The following DOCK4 variants were observed in gnomAD, a reference collection of about 807,000 sequenced individuals.
DOCK4 encodes dedicator of cytokinesis 4, also known as dedicator of cytokinesis protein 4.
Under a neutral mutation model 268.1 loss-of-function variants are expected in DOCK4, and 97 were observed. That is an observed-to-expected ratio of 0.36 (90% CI 0.31 to 0.43). The LOEUF (loss-of-function observed/expected upper bound fraction) is 0.43. Ranked by LOEUF, DOCK4 falls within the 20% of genes least tolerant of loss-of-function variation. The probability of loss-of-function intolerance (pLI) is 1.00; values close to 1 mark genes in which losing one functional copy is unlikely to be tolerated. For synonymous variants in DOCK4, 954 were observed against 887.2 expected, an observed-to-expected ratio of 1.08 and a Z score of -1.34; for missense variants, 2,145 against 2,455.7, an observed-to-expected ratio of 0.87 and a Z score of 2.67.
At chr7:111,983,862 G>GCGCGCACACACACACACACACA in intron 7 of DOCK4, among the ~76,000 whole-genome samples, 114 of 138,632 alleles carry the variant, frequency 8.2e-4, no homozygotes, top group Non-Finnish European at 1.4e-3. Context: ...GCGCGCGCGC[G>GCGCGCACACACACACACACACA]CACACACACA....
chr7:112,121,393 A>G (rs1273098870), intron 1 of DOCK4, among the ~76,000 whole-genome samples: 1 of 152,224 alleles, frequency 6.6e-6, no homozygotes, highest in African/African-American at 2.4e-5. Context: ...ACAGGCTCCT[A>G]GTGCTTCTTA....
intron 1 of DOCK4, among the ~76,000 whole-genome samples, chr7:112,016,704 T>C (rs953643619): frequency 3.3e-5 from 5 of 152,180 alleles, no homozygotes; most frequent in African/African-American, 1.2e-4. Context: ...CTTAGTTTAG[T>C]CTTGATTTCT....
intron 1 of DOCK4, among the ~76,000 whole-genome samples, chr7:112,035,831 G>A (rs900011397): frequency 6.6e-6 from 1 of 152,008 alleles, no homozygotes; most frequent in Non-Finnish European, 1.5e-5. Context: ...AAGTCAATGT[G>A]CAGACCAAAA....
chr7:111,878,797 T>C (rs1469682918), intron 16 of DOCK4, among the ~76,000 whole-genome samples: 2 of 152,120 alleles, frequency 1.3e-5, no homozygotes, highest in Admixed American at 1.3e-4. Context: ...CAGAAGAGAC[T>C]CACCATCTCA....
intron 1 of DOCK4, among the ~76,000 whole-genome samples, chr7:112,169,351 T>A (rs1817879221): frequency 6.6e-6 from 1 of 152,152 alleles, no homozygotes; most frequent in Non-Finnish European, 1.5e-5. Flanking sequence ...ATGCCATTGC[T>A]CCAAAGCTAT....
In DOCK4 at chr7:111,726,771, A is replaced by C. The variant is rs1417298956; in HGVS notation, c.*1503T>G. 1.3e-5 allele frequency: 2 copies of C among 152,602 alleles called. No homozygotes were observed. The highest frequency in any genetic ancestry group is 2.9e-5 in the Non-Finnish European group (2 of 68,006). The allele number at this position is 152,602 out of a possible 1,614,324, so 9.5% of individuals were successfully genotyped here. On this transcript the variant is annotated 3_prime_UTR_variant, in exon 53 of 53. Coordinates refer to ENST00000428084, the MANE Select transcript of DOCK4 (RefSeq NM_001363540.2). ...TCAACAACTGTTTGCGTTTATTTTTACTTTTTTTTACACATAATGGTATCT... is the reference window on the plus strand; with the variant it reads ...TCAACAACTGTTTGCGTTTATTTTTCCTTTTTTTTACACATAATGGTATCT...
rs762708354 is a variant in DOCK4, at chr7:111,847,038, G to A, written c.2562C>T (p.Ile854=). 3.7e-6 allele frequency: 6 copies of A among 1,613,664 alleles called. No homozygotes were observed. Among genetic ancestry groups the A allele is most frequent in the Non-Finnish European group, 4.2e-6 (5 of 1,179,774 alleles). Residue 854 remains isoleucine, a synonymous_variant, in exon 24 of 53, where the codon ATC becomes ATT. Coordinates refer to ENST00000428084, the MANE Select transcript of DOCK4 (RefSeq NM_001363540.2). The part of the protein sequence containing the change: ...EQKDLIMCAR[I]LSNVFCLIKK... ...TGATAAGACAAAATACGTTGCTAAGGATACGTGCACACATGATCAGGTCCT... is the reference window on the plus strand; with the variant it reads ...TGATAAGACAAAATACGTTGCTAAGAATACGTGCACACATGATCAGGTCCT...
At chr7:112,141,914 T>G (rs1814970417) in intron 1 of DOCK4, among the ~76,000 whole-genome samples, 1 of 152,144 alleles carries the variant, frequency 6.6e-6, no homozygotes, top group Non-Finnish European at 1.5e-5. Context: ...AATGCTCCAT[T>G]TGTTCAAGAG....
chr7:112,168,975 A>G (rs1159615170), intron 1 of DOCK4, among the ~76,000 whole-genome samples: 1 of 152,154 alleles, frequency 6.6e-6, no homozygotes, highest in Admixed American at 6.5e-5. Context: ...ACTATTTGAT[A>G]TGGTTTGATT....
At position 111,898,539 on chromosome 7, in the gene DOCK4, G is replaced by A. The variant is rs887917001; in HGVS notation, c.1480+1835C>T. Among the ~76,000 whole-genome samples the A allele has an allele frequency of 6.6e-5, 10 of 152,268 alleles. 1 individual carries two copies. In the South Asian group the frequency reaches 1.7e-3, roughly 25 times the overall value. ...TCTGGAATGAAAGCTCTGTGAGCGG[G>A]GCTATTTTCTTGTGCTCACTGATGT... On this transcript the variant is annotated intron_variant, in intron 15 of 52. Transcript: ENST00000428084.
intron 27 of DOCK4, among the ~76,000 whole-genome samples, chr7:111,815,789 A>G (rs1801501180): frequency 1.3e-5 from 2 of 151,814 alleles, no homozygotes; most frequent in African/African-American, 4.8e-5. Context: ...CTCTTGTCTC[A>G]GCCTCCCAAG....
At chr7:112,085,542 C>T (rs188476636) in intron 1 of DOCK4, among the ~76,000 whole-genome samples, 3 of 152,030 alleles carry the variant, frequency 2.0e-5, no homozygotes, top group African/African-American at 7.2e-5. Flanking sequence ...ATTTATCTTA[C>T]CTTTCCTGTA....
intron 43 of DOCK4, among the ~76,000 whole-genome samples, chr7:111,746,886 A>G (rs1218752447): frequency 6.7e-6 from 1 of 148,954 alleles, no homozygotes; most frequent in Non-Finnish European, 1.5e-5. Context: ...CTGGTCTCAA[A>G]CCAAAGTGCT....
At chr7:112,191,292 G>A (rs183930760) in intron 1 of DOCK4, among the ~76,000 whole-genome samples, 2 of 152,164 alleles carry the variant, frequency 1.3e-5, no homozygotes, top group Admixed American at 1.3e-4. Flanking sequence ...CCTGCTTCTG[G>A]TCCATCCTCA....
intron 20 of DOCK4, 119 bp from the exon 21 acceptor site, chr7:111,869,774 T>A (rs1446442261): frequency 3.4e-5 from 27 of 786,630 alleles, no homozygotes; most frequent in Non-Finnish European, 5.3e-5. Flanking sequence ...GTTCTCACAT[T>A]TTCCTGTCAA....
intron 11 of DOCK4, among the ~76,000 whole-genome samples, chr7:111,938,660 G>A (rs1309175141): frequency 6.6e-6 from 1 of 152,110 alleles, no homozygotes; most frequent in Non-Finnish European, 1.5e-5. Context: ...GAGAACCATG[G>A]GTTAAACTGT....
chr7:112,082,890 T>C (rs1472273186), intron 1 of DOCK4, among the ~76,000 whole-genome samples: 1 of 152,116 alleles, frequency 6.6e-6, no homozygotes, highest in African/African-American at 2.4e-5. Flanking sequence ...AAATAAATTT[T>C]AAATTAAAGT....
intron 1 of DOCK4, among the ~76,000 whole-genome samples, chr7:112,205,424 T>G (rs1048429856): frequency 6.6e-6 from 1 of 152,128 alleles, no homozygotes; most frequent in East Asian, 1.9e-4. Flanking sequence ...ATACCCGTTC[T>G]TCTCCAAAGA....
intron 1 of DOCK4, among the ~76,000 whole-genome samples, chr7:112,186,924 G>A (rs1379382688): frequency 1.3e-5 from 2 of 151,954 alleles, no homozygotes; most frequent in Non-Finnish European, 2.9e-5. Flanking sequence ...AATATGCCAT[G>A]GCTATTAAAA....
Sources: gnomAD v4.1 joint callset for allele counts (sites outside exome capture counted in the v4.1 genomes callset) on GRCh38, gnomAD v4.1.1 for gene constraint, MANE v1.5 for transcripts, NCBI Gene and HGNC (gene_info 2026-07-23, HGNC 2026-07-21) for gene names.